The following UBA2 variants were observed in gnomAD, a reference collection of about 807,000 sequenced individuals.
UBA2 encodes the protein SUMO-activating enzyme subunit 2.
In UBA2, 11 loss-of-function variants were observed where a neutral mutation model predicts 77.2. The ratio of observed to expected loss-of-function variants is 0.14; its 90% CI spans 0.09 to 0.24. The LOEUF is 0.24. UBA2 is among the 10% of genes least tolerant of loss of function. The pLI, the probability that UBA2 is intolerant of heterozygous loss-of-function variation, is 1.00. For missense variants in UBA2, 487 were observed against 781.7 expected (o/e 0.62, Z 4.50); for synonymous variants, 278 against 276.7 (o/e 1.00, Z -0.05).
intron 14 of UBA2, among the ~76,000 whole-genome samples, chr19:34,461,336 C>T (rs1252945667): frequency 1.3e-5 from 2 of 152,112 alleles, no homozygotes; most frequent in Non-Finnish European, 2.9e-5. Context: ...AGATGTTAAG[C>T]CTTCTTTAAA....
intron 5 of UBA2, among the ~76,000 whole-genome samples, chr19:34,438,153 G>T (rs888383803): frequency 6.7e-6 from 1 of 150,024 alleles, no homozygotes; most frequent in African/African-American, 2.5e-5. Context: ...AATTAATCTT[G>T]TAGTTTACTT....
At chr19:34,463,107 A>G (rs1323730285) in intron 14 of UBA2, among the ~76,000 whole-genome samples, 1 of 152,038 alleles carries the variant, frequency 6.6e-6, no homozygotes, top group Admixed American at 6.5e-5. Context: ...AAAAAAAAAA[A>G]AAAGAAAGAA....
At position 34,430,661 on chromosome 19, in the gene UBA2, T is replaced by TA. The variant is rs1327126980; in HGVS notation, c.222+4dup. 2 of 1,609,952 alleles carry TA rather than the reference T, an allele frequency of 1.2e-6. No individual in the cohort carries two copies. The highest frequency in any genetic ancestry group is 1.7e-6 in the Non-Finnish European group (2 of 1,176,450). On this transcript the variant is annotated splice_region_variant and intron_variant, in intron 2 of 16. Coordinates refer to ENST00000246548, the MANE Select transcript of UBA2 (RefSeq NM_005499.3). Reference sequence around the variant, plus strand: ...CATGTTGGAAGATCAAAGGCACAGGTAACTATATTTCTCATACCATTTCTA... The same window carrying TA: ...CATGTTGGAAGATCAAAGGCACAGGTAAACTATATTTCTCATACCATTTCTA...
chr19:34,435,016 C>A, intron 5 of UBA2, 48 bp downstream of exon 5: 1 of 1,255,866 alleles, frequency 8.0e-7, no homozygotes, highest in Non-Finnish European at 1.1e-6. Flanking sequence ...TTATTTGAGA[C>A]CTTGGAGCAG....
chr19:34,428,408 C>A lies in UBA2; in HGVS notation c.-25C>A, dbSNP rs550832839. On this transcript the variant is annotated 5_prime_UTR_variant, in exon 1 of 17. Transcript: ENST00000246548. ...GGCTCGGTTCTCCCGCCTCCGCCTCCGCCGCGGCTCGTGGTTGTCCCGCCA... is the reference window on the plus strand; with the variant it reads ...GGCTCGGTTCTCCCGCCTCCGCCTCAGCCGCGGCTCGTGGTTGTCCCGCCA... The A allele has an allele frequency of 1.6e-6, 2 of 1,242,572 alleles. No homozygotes were observed. Among genetic ancestry groups the A allele is most frequent in the Non-Finnish European group, 2.0e-6 (2 of 992,144 alleles). The allele number at this position is 1,242,572 out of a possible 1,614,324, so 77.0% of individuals were successfully genotyped here. A position where few individuals can be genotyped will look rare whatever the true frequency, so the allele number is the denominator to read the frequency against.
rs751869475 is a variant in UBA2 at position 34,454,295 on chromosome 19, T to C, written c.1074T>C (p.Ala358=). 5.0e-6 allele frequency: 8 copies of C among 1,612,642 alleles called. No individual in the cohort carries two copies. The South Asian group carries it at 7.7e-5, about 16-fold the overall frequency. The change falls in exon 11 of 17, where the codon GCT becomes GCC. Residue 358 remains alanine, a synonymous_variant. Coordinates refer to ENST00000246548, the MANE Select transcript of UBA2 (RefSeq NM_005499.3). ...CTGCAATGGATTTTGTCACCTCTGCTGCAAACCTCAGGATGCATATTTTCA... is the reference window on the plus strand; with the variant it reads ...CTGCAATGGATTTTGTCACCTCTGCCGCAAACCTCAGGATGCATATTTTCA... ...DPSAMDFVTS[A]ANLRMHIFSM...
chr19:34,451,917 C>A, intron 9 of UBA2, 64 bp from the exon 10 acceptor site: 1 of 892,838 alleles, frequency 1.1e-6, no homozygotes, highest in Non-Finnish European at 1.6e-6. Flanking sequence ...ACTTGTTAAA[C>A]AGAGCACAGT....
At chr19:34,461,805 C>A (rs971253965) in intron 14 of UBA2, among the ~76,000 whole-genome samples, 6 of 151,530 alleles carry the variant, frequency 4.0e-5, no homozygotes, top group Non-Finnish European at 8.8e-5. Context: ...TGAGCATCGT[C>A]CAAGGAAAAC....
chr19:34,451,788 C>T (rs950774333), intron 9 of UBA2, among the ~76,000 whole-genome samples, 193 bp from the exon 10 acceptor site: 2 of 151,962 alleles, frequency 1.3e-5, no homozygotes, highest in East Asian at 3.9e-4. Context: ...CCTCATGATC[C>T]GTCTGCCTCG....
intron 8 of UBA2, among the ~76,000 whole-genome samples, chr19:34,446,443 G>A (rs922001641): frequency 2.6e-5 from 4 of 152,050 alleles, no homozygotes; most frequent in Admixed American, 2.0e-4. Flanking sequence ...CAGGATTTTC[G>A]TCTCTGTCCT....
chr19:34,449,420 T>C (rs2075468525), intron 8 of UBA2, among the ~76,000 whole-genome samples: 1 of 90,174 alleles, frequency 1.1e-5, no homozygotes, highest in African/African-American at 3.6e-5. Context: ...ATTCTGATTA[T>C]TTGTATGTTT....
intron 10 of UBA2, 98 bp downstream of exon 10, chr19:34,452,245 G>T: frequency 1.9e-6 from 2 of 1,076,596 alleles, no homozygotes; most frequent in Non-Finnish European, 2.6e-6. Flanking sequence ...ATATTTACTA[G>T]ATTTTGAGGA....
At position 34,454,332 on chromosome 19, in the gene UBA2, A is replaced by G. The variant is rs746352055; in HGVS notation, c.1111A>G (p.Lys371Glu). The change falls in exon 11 of 17, where the codon AAG becomes GAG. Residue 371 changes from lysine (K) to glutamate (E), a missense_variant. Coordinates refer to ENST00000246548, the MANE Select transcript of UBA2 (RefSeq NM_005499.3). ...LRMHIFSMNMKSRFDIKSMAG... is the reference protein window; with the variant it reads ...LRMHIFSMNMESRFDIKSMAG... Reference sequence around the variant, plus strand: ...GATGCATATTTTCAGTATGAATATGAAGAGTAGATTTGATATCAAATGTAA... The same window carrying G: ...GATGCATATTTTCAGTATGAATATGGAGAGTAGATTTGATATCAAATGTAA... 12 of 1,612,620 alleles carry G rather than the reference A, an allele frequency of 7.4e-6. No homozygotes were observed. The highest frequency in any genetic ancestry group is 1.0e-5 in the Non-Finnish European group (12 of 1,179,518).
chr19:34,460,221 C>T (rs1292503814), intron 13 of UBA2, among the ~76,000 whole-genome samples: 1 of 152,270 alleles, frequency 6.6e-6, no homozygotes. Flanking sequence ...TAGCAAGAGC[C>T]AGCCAGGGAG....
At chr19:34,444,912 T>A in intron 7 of UBA2, 88 bp from the exon 8 acceptor site, 1 of 1,390,462 alleles carries the variant, frequency 7.2e-7, no homozygotes, top group Admixed American at 2.4e-5. Context: ...TTTCCATGAG[T>A]GACTTTCTTT....
intron 14 of UBA2, among the ~76,000 whole-genome samples, chr19:34,462,861 G>T (rs2075646761): frequency 6.6e-6 from 1 of 152,142 alleles, no homozygotes; most frequent in South Asian, 2.1e-4. Flanking sequence ...TTGGGAGGCC[G>T]AGGTGGGTGG....
intron 14 of UBA2, among the ~76,000 whole-genome samples, chr19:34,463,528 C>A (rs1383405848): frequency 6.6e-6 from 1 of 152,148 alleles, no homozygotes; most frequent in African/African-American, 2.4e-5. Context: ...GTCACATAGC[C>A]TTTCCTCTAG....
At chr19:34,431,968 GGTTT>G (rs1486785792) in intron 3 of UBA2, 37 bp downstream of exon 3, 8 of 1,508,020 alleles carry the variant, frequency 5.3e-6, no homozygotes, top group Non-Finnish European at 6.4e-6. Context: ...GTTGTATAAG[GGTTT>G]TGTAAGCCAA....
At chr19:34,456,062 C>G (rs1381296562) in intron 12 of UBA2, among the ~76,000 whole-genome samples, 1 of 149,398 alleles carries the variant, frequency 6.7e-6, no homozygotes, top group African/African-American at 2.5e-5. Flanking sequence ...CAGGTGTGAG[C>G]CACTGCACTT....
Sources: gnomAD v4.1 joint callset for allele counts (sites outside exome capture counted in the v4.1 genomes callset) on GRCh38, gnomAD v4.1.1 for gene constraint, MANE v1.5 for transcripts, NCBI Gene and HGNC (gene_info 2026-07-23, HGNC 2026-07-21) for gene names.